Variants in TSEN2 observed in about 807,000 individuals in gnomAD.
TSEN2 encodes tRNA-splicing endonuclease subunit Sen2.
Under a neutral mutation model 59.2 loss-of-function variants are expected in TSEN2, and 54 were observed. That is an observed-to-expected ratio of 0.91 (90% CI 0.73 to 1.14). The LOEUF (loss-of-function observed/expected upper bound fraction) is 1.14, where lower values mean the gene tolerates loss of function less well. TSEN2 is among the 50% of genes most tolerant of loss of function. The probability of loss-of-function intolerance (pLI) is 0.00; values close to 1 mark genes in which losing one functional copy is unlikely to be tolerated. For synonymous variants in TSEN2, 195 were observed against 198.2 expected, an observed-to-expected ratio of 0.98 and a Z score of 0.14; for missense variants, 636 against 576.2, an observed-to-expected ratio of 1.10 and a Z score of -1.06.
chr3:12,495,160 A>G (rs986900625), intron 3 of TSEN2, among the ~76,000 whole-genome samples: 2 of 144,778 alleles, frequency 1.4e-5, no homozygotes, highest in South Asian at 2.1e-4. Context: ...TTAAATTTTT[A>G]CAAGAGATTT....
chr3:12,534,274 A>G (rs987921535), downstream of TSEN2, among the ~76,000 whole-genome samples: 1 of 152,178 alleles, frequency 6.6e-6, no homozygotes, highest in Non-Finnish European at 1.5e-5. Flanking sequence ...GAAAGATTCC[A>G]TGACGACCAC....
intron 9 of TSEN2, 57 bp from the exon 10 acceptor site, chr3:12,529,704 CT>C (rs999260307): frequency 6.6e-7 from 1 of 1,507,036 alleles, no homozygotes. Flanking sequence ...GACAAATATT[CT>C]TTTTAAACAG....
intron 8 of TSEN2, among the ~76,000 whole-genome samples, chr3:12,521,053 C>T (rs757780496): frequency 1.1e-4 from 17 of 152,172 alleles, no homozygotes; most frequent in Non-Finnish European, 2.4e-4. Flanking sequence ...GTTGTCTGTT[C>T]CTGTGTTAGT....
chr3:12,496,595 T>C, intron 4 of TSEN2, 41 bp downstream of exon 4: 2 of 1,608,918 alleles, frequency 1.2e-6, no homozygotes, highest in Non-Finnish European at 1.7e-6. Context: ...AAATGATGGT[T>C]TAAGTCAGAT....
intron 2 of TSEN2, 36 bp downstream of exon 2, chr3:12,490,025 A>T: frequency 4.4e-6 from 7 of 1,602,624 alleles, no homozygotes; most frequent in Non-Finnish European, 6.0e-6. Flanking sequence ...TTACTTTCAG[A>T]CAACCCTGAG....
intron 8 of TSEN2, among the ~76,000 whole-genome samples, chr3:12,527,123 G>A (rs1031090046): frequency 6.6e-6 from 1 of 152,190 alleles, no homozygotes; most frequent in Non-Finnish European, 1.5e-5. Flanking sequence ...ATCTCAAAAA[G>A]TTGAAAATTG....
upstream of TSEN2, among the ~76,000 whole-genome samples, chr3:12,480,528 G>GTTTTTTTTTTTTTTTTTTTTTTT (rs752340308): frequency 4.9e-4 from 45 of 91,744 alleles, no homozygotes; most frequent in Non-Finnish European, 6.3e-4. Context: ...TTGTTTCTTT[G>GTTTTTTTTTTTTTTTTTTTTTTT]TTTTTTTTTT....
At chr3:12,520,693 G>A (rs1043739434) in intron 8 of TSEN2, among the ~76,000 whole-genome samples, 9 of 152,018 alleles carry the variant, frequency 5.9e-5, no homozygotes, top group African/African-American at 2.2e-4. Flanking sequence ...GGGAGGCTGA[G>A]GCAGGAAAAT....
At chr3:12,497,427 G>A (rs299648) in intron 4 of TSEN2, among the ~76,000 whole-genome samples, 74,070 of 152,038 alleles carry the variant, frequency 0.49, 18,931 homozygotes, top group African/African-American at 0.6. Context: ...CATAGCCAGC[G>A]GGGTGGCAAG....
intron 8 of TSEN2, among the ~76,000 whole-genome samples, chr3:12,522,165 A>T (rs1245258036): frequency 1.3e-5 from 2 of 152,156 alleles, no homozygotes; most frequent in African/African-American, 2.4e-5. Flanking sequence ...CTTTATTTTA[A>T]TGATCAAGTT....
chr3:12,494,992 G>A (rs2053598523), intron 3 of TSEN2, among the ~76,000 whole-genome samples: 1 of 151,432 alleles, frequency 6.6e-6, no homozygotes, highest in African/African-American at 2.4e-5. Flanking sequence ...TGGGCATGGT[G>A]GCAGGCACTT....
intron 4 of TSEN2, among the ~76,000 whole-genome samples, chr3:12,501,670 G>C (rs1374301589): frequency 1.3e-5 from 2 of 152,052 alleles, no homozygotes; most frequent in Admixed American, 1.3e-4. Context: ...TTGCACAGGG[G>C]CCATTCTAAG....
At chr3:12,529,921 G>T (rs1318716681) in intron 10 of TSEN2, 48 bp downstream of exon 10, 1 of 1,507,476 alleles carries the variant, frequency 6.6e-7, no homozygotes, top group African/African-American at 1.4e-5. Flanking sequence ...AAATGGTTCA[G>T]TTTTTTTTTT....
At chr3:12,527,978 T>C (rs1385370305) in intron 8 of TSEN2, among the ~76,000 whole-genome samples, 2 of 152,176 alleles carry the variant, frequency 1.3e-5, no homozygotes, top group African/African-American at 4.8e-5. Context: ...GGCCCCAGGC[T>C]CCTTCACTGA....
chr3:12,486,804 G>A (rs530490175), intron 1 of TSEN2, among the ~76,000 whole-genome samples: 6 of 152,004 alleles, frequency 3.9e-5, no homozygotes, highest in African/African-American at 7.3e-5. Context: ...TAATTGTCTC[G>A]TGGTCTTTTG....
chr3:12,531,291 T>C, intron 10 of TSEN2: 1 of 380,368 alleles, frequency 2.6e-6, no homozygotes, highest in South Asian at 2.9e-5. Context: ...ATCAAGGACA[T>C]TTGAGGACTT....
At chr3:12,484,123 C>A (rs1039151176), upstream of TSEN2, among the ~76,000 whole-genome samples, 1 of 152,238 alleles carries the variant, frequency 6.6e-6, no homozygotes, top group Non-Finnish European at 1.5e-5. Flanking sequence ...TTCCTCAGGG[C>A]CATTTAATAA....
intron 8 of TSEN2, among the ~76,000 whole-genome samples, chr3:12,524,850 C>A (rs1308795267): frequency 2.7e-5 from 4 of 149,494 alleles, no homozygotes; most frequent in Admixed American, 6.8e-5. Flanking sequence ...TCAAGTGATT[C>A]TCCTGCCTCA....
chr3:12,494,813 T>G (rs1451548349), intron 3 of TSEN2, among the ~76,000 whole-genome samples: 1 of 152,044 alleles, frequency 6.6e-6, no homozygotes, highest in Non-Finnish European at 1.5e-5. Context: ...TGTAACCATA[T>G]AAATGTATTA....
Sources: gnomAD v4.1 joint callset for allele counts (sites outside exome capture counted in the v4.1 genomes callset) on GRCh38, gnomAD v4.1.1 for gene constraint, MANE v1.5 for transcripts, NCBI Gene and HGNC (gene_info 2026-07-23, HGNC 2026-07-21) for gene names.